The following TENM4 variants were observed in gnomAD, a reference collection of about 807,000 sequenced individuals.
The protein encoded by TENM4 is teneurin-4.
Under a neutral mutation model 243.3 loss-of-function variants are expected in TENM4, and 82 were observed. That is an observed-to-expected ratio of 0.34 (90% CI 0.28 to 0.40). The LOEUF (loss-of-function observed/expected upper bound fraction) is 0.40, where lower values mean the gene tolerates loss of function less well. Ranked by LOEUF, TENM4 falls within the 10% of genes least tolerant of loss-of-function variation. The pLI is 1.00. For synonymous variants in TENM4, 1,412 were observed against 1,456.3 expected (o/e 0.97, Z 0.69); for missense variants, 3,138 against 3,673.3 (o/e 0.85, Z 3.77).
intron 14 of TENM4, among the ~76,000 whole-genome samples, chr11:78,805,916 AATG>A (rs987845778): frequency 6.6e-6 from 1 of 152,194 alleles, no homozygotes; most frequent in African/African-American, 2.4e-5. Flanking sequence ...CCTTCATTTA[AATG>A]ATAATTTATT....
In TENM4 at chr11:78,697,055, C is replaced by G. The variant is rs544172594; in HGVS notation, c.5087+4471G>C. On this transcript the variant is annotated intron_variant, in intron 28 of 33. Transcript: ENST00000278550. Reference sequence around the variant, plus strand: ...CCCTCAGCAGCTGCTGTGACCTTCCCCCAGGTCGACCACAAAGGACACTTT... The same window carrying G: ...CCCTCAGCAGCTGCTGTGACCTTCCGCCAGGTCGACCACAAAGGACACTTT... Among the ~76,000 whole-genome samples, 17 of 152,268 alleles carry G rather than the reference C, an allele frequency of 1.1e-4. No homozygotes were observed. The South Asian group carries it at 2.1e-3, about 19-fold the overall frequency.
intron 20 of TENM4, among the ~76,000 whole-genome samples, chr11:78,736,479 T>TGTGTGTGTGTGCGCGC (rs796898751): frequency 2.4e-4 from 24 of 99,334 alleles, no homozygotes; most frequent in African/African-American, 6.8e-4. Context: ...TGTGTGTGTG[T>TGTGTGTGTGTGCGCGC]GCGCGCGCGT....
chr11:78,989,849 T>C (rs1298999645), intron 6 of TENM4, among the ~76,000 whole-genome samples: 1 of 151,768 alleles, frequency 6.6e-6, no homozygotes, highest in African/African-American at 2.4e-5. Context: ...AGCCCAGGAG[T>C]TTGAGACCAG....
At chr11:79,375,222 G>A (rs990140983) in intron 1 of TENM4, among the ~76,000 whole-genome samples, 1 of 152,152 alleles carries the variant, frequency 6.6e-6, no homozygotes. Context: ...ATTTGAGGAA[G>A]GACCAAGATA....
chr11:79,261,701 T>C (rs757046103), intron 2 of TENM4, among the ~76,000 whole-genome samples: 4 of 152,146 alleles, frequency 2.6e-5, no homozygotes, highest in Non-Finnish European at 4.4e-5. Context: ...TGCTTTTCTT[T>C]AGGAGGAGGA....
At chr11:79,421,888 G>T (rs907512370) in intron 1 of TENM4, among the ~76,000 whole-genome samples, 1 of 152,024 alleles carries the variant, frequency 6.6e-6, no homozygotes, top group African/African-American at 2.4e-5. Flanking sequence ...TGTTGTCGGG[G>T]TGGTTTAGAG....
chr11:79,121,110 T>C (rs77760439), intron 4 of TENM4, among the ~76,000 whole-genome samples: 7,673 of 152,258 alleles, frequency 0.05, 285 homozygotes, highest in Non-Finnish European at 0.08. Context: ...AGAGAGGCCA[T>C]GTGACATGCC....
chr11:79,418,433 C>T (rs1211871627), intron 1 of TENM4, among the ~76,000 whole-genome samples: 1 of 152,196 alleles, frequency 6.6e-6, no homozygotes. Flanking sequence ...CAAGATGCCA[C>T]TTGTATCTGT....
At chr11:79,280,783 A>G (rs1856144163) in intron 2 of TENM4, among the ~76,000 whole-genome samples, 1 of 152,144 alleles carries the variant, frequency 6.6e-6, no homozygotes, top group Non-Finnish European at 1.5e-5. Flanking sequence ...ATGCTGGTCT[A>G]CCTTTCAGCT....
At chr11:79,228,499 G>T (rs1038194051) in intron 2 of TENM4, among the ~76,000 whole-genome samples, 1 of 152,132 alleles carries the variant, frequency 6.6e-6, no homozygotes, top group Non-Finnish European at 1.5e-5. Flanking sequence ...GTGCAGACTT[G>T]CTTGCCACCT....
At chr11:78,808,310 C>T (rs1434049237) in intron 14 of TENM4, among the ~76,000 whole-genome samples, 1 of 152,142 alleles carries the variant, frequency 6.6e-6, no homozygotes, top group Non-Finnish European at 1.5e-5. Flanking sequence ...ATAAGACGAT[C>T]GGGGTTCAGG....
At chr11:78,912,730 C>A (rs1031695663) in intron 6 of TENM4, among the ~76,000 whole-genome samples, 2 of 152,198 alleles carry the variant, frequency 1.3e-5, no homozygotes, top group African/African-American at 4.8e-5. Context: ...AGAGTTTTGG[C>A]AACTGCCAGA....
chr11:79,003,075 C>T (rs923854317), intron 6 of TENM4, among the ~76,000 whole-genome samples: 1 of 151,918 alleles, frequency 6.6e-6, no homozygotes, highest in African/African-American at 2.4e-5. Flanking sequence ...AAGACCAGTT[C>T]CCCAAAATAA....
At chr11:79,063,155 G>A (rs900056173) in intron 6 of TENM4, among the ~76,000 whole-genome samples, 1 of 152,148 alleles carries the variant, frequency 6.6e-6, no homozygotes, top group African/African-American at 2.4e-5. Context: ...ATGGGACTCT[G>A]GACCCTAAGG....
chr11:79,136,202 A>T (rs1429876814), intron 4 of TENM4, among the ~76,000 whole-genome samples: 1 of 152,138 alleles, frequency 6.6e-6, no homozygotes, highest in East Asian at 1.9e-4. Flanking sequence ...ATAATAATAA[A>T]AACAAATTTG....
At chr11:79,212,321 T>A (rs1863969714) in intron 3 of TENM4, among the ~76,000 whole-genome samples, 1 of 152,162 alleles carries the variant, frequency 6.6e-6, no homozygotes, top group Non-Finnish European at 1.5e-5. Context: ...TAGCACCCAT[T>A]TTCTTGTCAC....
intron 4 of TENM4, among the ~76,000 whole-genome samples, chr11:79,142,253 T>G (rs1486710009): frequency 1.3e-5 from 2 of 152,070 alleles, no homozygotes; most frequent in Non-Finnish European, 1.5e-5. Flanking sequence ...ATCAAAAAAT[T>G]TTTAGAACTG....
chr11:79,287,678 G>T (rs1856281054), intron 2 of TENM4, among the ~76,000 whole-genome samples: 1 of 152,152 alleles, frequency 6.6e-6, no homozygotes, highest in African/African-American at 2.4e-5. Flanking sequence ...GGACCAGAAA[G>T]GTCAAGTGAC....
intron 4 of TENM4, among the ~76,000 whole-genome samples, chr11:79,084,932 C>A (rs1860769610): frequency 6.6e-6 from 1 of 152,156 alleles, no homozygotes. Flanking sequence ...ACGTCAACAT[C>A]CTGCTTGTGT....
Sources: allele counts gnomAD v4.1 joint callset (sites outside exome capture counted in the v4.1 genomes callset), GRCh38; gene constraint gnomAD v4.1.1; transcripts MANE v1.5; gene names NCBI Gene and HGNC (gene_info 2026-07-23, HGNC 2026-07-21).